Variants in ARSG observed in about 807,000 individuals in gnomAD.
ARSG encodes ASG.
A neutral mutation model predicts 50.5 loss-of-function variants in ARSG; 37 were observed. That is an observed-to-expected ratio of 0.73 (90% CI 0.56 to 0.96). The LOEUF is 0.96. ARSG is among the 50% of genes least tolerant of loss of function. ARSG has a pLI of 0.00. For synonymous variants in ARSG, 225 were observed against 254.6 expected (o/e 0.88, Z 1.11); for missense variants, 629 against 675.3 (o/e 0.93, Z 0.76).
chr17:68,401,571 C>T lies in ARSG; in HGVS notation c.1303+121C>T, dbSNP rs768636739. The stretch of plus-strand genomic sequence containing the variant: ...CCTCCTTTGTGGGGGGTTCTCAGCA[C>T]CTCTTGACAAGCGTCTCCTCCAAAC... On this transcript the variant is annotated intron_variant, in intron 11 of 11. Transcript: ENST00000621439. 5.0e-4 allele frequency: 419 copies of T among 833,268 alleles called. 2 individuals carry two copies. The highest frequency in any genetic ancestry group is 6.3e-4 in the Non-Finnish European group (339 of 538,632). The allele number at this position is 833,268 out of a possible 1,614,324, so 51.6% of individuals were successfully genotyped here.
In ARSG at chr17:68,399,781, C is replaced by T. The variant is rs1413932307; in HGVS notation, c.1213-1579C>T. 1.3e-5 allele frequency among the ~76,000 whole-genome samples: 2 copies of T among 152,216 alleles called. No homozygotes were observed. The highest frequency in any genetic ancestry group is 2.4e-5 in the African/African-American group (1 of 41,452). Reference sequence around the variant, plus strand: ...TGTGACTGATCTGAAGCAGCAACTTCACTCCCATCTTCTGCATGTCCGCGT... The same window carrying T: ...TGTGACTGATCTGAAGCAGCAACTTTACTCCCATCTTCTGCATGTCCGCGT... On this transcript the variant is annotated intron_variant, in intron 10 of 11. Coordinates refer to ENST00000621439, the MANE Select transcript of ARSG (RefSeq NM_001267727.2). This position sits in a 1 kb window ranked among gnomAD's most constrained non-coding sequence, Gnocchi z 4.6.
chr17:68,369,785 C>T (rs1157435740), intron 7 of ARSG, among the ~76,000 whole-genome samples: 1 of 152,000 alleles, frequency 6.6e-6, no homozygotes, highest in African/African-American at 2.4e-5. Context: ...GCTCAATAAA[C>T]AGTTGCTGGG....
intron 1 of ARSG, among the ~76,000 whole-genome samples, chr17:68,296,670 C>A (rs1262001944): frequency 6.6e-6 from 1 of 152,128 alleles, no homozygotes; most frequent in East Asian, 1.9e-4. Context: ...ATCGTTCATC[C>A]GTCCATCCAC....
intron 2 of ARSG, among the ~76,000 whole-genome samples, chr17:68,309,860 A>G (rs2076777558): frequency 1.6e-5 from 1 of 61,886 alleles, no homozygotes; most frequent in African/African-American, 1.2e-4. Flanking sequence ...ACTCTGTCTA[A>G]AAAAAAATAA....
intron 1 of ARSG, among the ~76,000 whole-genome samples, chr17:68,276,958 G>C (rs1265758587): frequency 6.6e-6 from 1 of 152,148 alleles, no homozygotes; most frequent in African/African-American, 2.4e-5. Context: ...ATTATGTAAT[G>C]ATGAATCAGT....
At chr17:68,450,617 T>G in the ARSG span, 1 of 1,385,156 alleles carries the variant, frequency 7.2e-7, no homozygotes, top group Non-Finnish European at 9.8e-7. Flanking sequence ...GTTAACATTC[T>G]CATTAGAATT....
intron 2 of ARSG, among the ~76,000 whole-genome samples, chr17:68,308,961 G>A (rs1040029192): frequency 6.6e-6 from 1 of 152,262 alleles, no homozygotes; most frequent in Non-Finnish European, 1.5e-5. Flanking sequence ...TGTGGAGCAG[G>A]GGGTGGTGCT....
intron 1 of ARSG, among the ~76,000 whole-genome samples, chr17:68,295,100 A>T (rs1555757666): frequency 1.3e-5 from 2 of 148,938 alleles, no homozygotes; most frequent in Non-Finnish European, 3.0e-5. Context: ...CGACTCTTTC[A>T]ACCTGTGAGT....
At chr17:68,424,770 G>A (rs2083046783), downstream of ARSG, among the ~76,000 whole-genome samples, 3 of 152,134 alleles carry the variant, frequency 2.0e-5, no homozygotes, top group South Asian at 6.2e-4. Context: ...GCAGCTACTC[G>A]GGAGGCTGAG....
chr17:68,270,188 C>T (rs1177052114), intron 1 of ARSG, among the ~76,000 whole-genome samples: 1 of 152,016 alleles, frequency 6.6e-6, no homozygotes, highest in African/African-American at 2.4e-5. Context: ...TCTATCATTC[C>T]AAAAGTCAGG....
intron 2 of ARSG, among the ~76,000 whole-genome samples, chr17:68,312,984 A>G (rs1428734581): frequency 1.3e-5 from 2 of 152,224 alleles, no homozygotes; most frequent in African/African-American, 4.8e-5. Flanking sequence ...TGTTCTGGCC[A>G]GGCACAGTGG....
chr17:68,378,463 G>A lies in ARSG; in HGVS notation c.983-6601G>A, dbSNP rs1294193934. On this transcript the variant is annotated intron_variant, in intron 8 of 11. Transcript: ENST00000621439. The surrounding 1 kb of genome is among the most constrained non-coding windows in gnomAD (Gnocchi z 4.4). Reference sequence around the variant, plus strand: ...TCCTGGAGTCATCTTTTCACCCCGTGCGTGTGGACTGAGAATGCTCCACTT... The same window carrying A: ...TCCTGGAGTCATCTTTTCACCCCGTACGTGTGGACTGAGAATGCTCCACTT... Among the ~76,000 whole-genome samples, 1 of 152,162 alleles carries A rather than the reference G, an allele frequency of 6.6e-6. No individual in the cohort carries two copies. Among genetic ancestry groups the A allele is most frequent in the Non-Finnish European group, 1.5e-5 (1 of 68,032 alleles).
intron 7 of ARSG, among the ~76,000 whole-genome samples, chr17:68,369,338 G>A (rs561457751): frequency 6.6e-6 from 1 of 152,250 alleles, no homozygotes; most frequent in South Asian, 2.1e-4. Flanking sequence ...TCAGGAGTTC[G>A]AGACCAGCCT....
At chr17:68,333,214 C>T (rs567474944) in intron 2 of ARSG, among the ~76,000 whole-genome samples, 21 of 152,250 alleles carry the variant, frequency 1.4e-4, no homozygotes, top group South Asian at 1.0e-3. Context: ...CCCAGCTACT[C>T]GAGAGGCTGA....
intron 11 of ARSG, among the ~76,000 whole-genome samples, chr17:68,418,801 C>G (rs1020983845): frequency 6.6e-6 from 1 of 152,116 alleles, no homozygotes; most frequent in African/African-American, 2.4e-5. Flanking sequence ...AAGAATTTCT[C>G]TCAGATTTTA....
At chr17:68,358,505 A>G (rs2079135381) in intron 6 of ARSG, among the ~76,000 whole-genome samples, 1 of 151,940 alleles carries the variant, frequency 6.6e-6, no homozygotes, top group Non-Finnish European at 1.5e-5. Context: ...CCTGACCAAC[A>G]CGGTGAAACC....
rs143518223 is a variant in ARSG at position 68,366,011 on chromosome 17, A to G, written c.705-2537A>G. ...GGAGTGCAGTGCACAATCTTGGCTC[A>G]CTGCAACCTCTGCCTCCTGGTTTCA... On this transcript the variant is annotated intron_variant, in intron 6 of 11. Transcript: ENST00000621439. Among the ~76,000 whole-genome samples, 661 of 152,096 alleles carry G rather than the reference A, an allele frequency of 4.3e-3. 6 individuals are homozygous for G. Among genetic ancestry groups the G allele is most frequent in the African/African-American group, 0.015 (623 of 41,494 alleles).
At chr17:68,333,631 AAATAATAATAATAATAATAAT>A (rs150655015) in intron 2 of ARSG, among the ~76,000 whole-genome samples, 13 of 142,722 alleles carry the variant, frequency 9.1e-5, no homozygotes, top group Admixed American at 2.8e-4. Context: ...TCTGTCTCAA[AAATAATAATAATAATAATAAT>A]AATAATAATA....
chr17:68,411,220 T>A (rs1450787659), intron 11 of ARSG, among the ~76,000 whole-genome samples: 1 of 152,234 alleles, frequency 6.6e-6, no homozygotes, highest in Non-Finnish European at 1.5e-5. Context: ...GATGTTAGGG[T>A]GTCAATTTTA....
Sources: allele counts gnomAD v4.1 joint callset (sites outside exome capture counted in the v4.1 genomes callset), GRCh38; gene constraint gnomAD v4.1.1; non-coding constraint Gnocchi (gnomAD v3.1); transcripts MANE v1.5; gene names NCBI Gene and HGNC (gene_info 2026-07-23, HGNC 2026-07-21).